The following NUP210 variants were observed in gnomAD, a reference collection of about 807,000 sequenced individuals.
NUP210 encodes the protein nuclear pore membrane glycoprotein 210.
Under a neutral mutation model 196.0 loss-of-function variants are expected in NUP210, and 151 were observed. That is an observed-to-expected ratio of 0.77 (90% CI 0.67 to 0.88). The LOEUF (loss-of-function observed/expected upper bound fraction) is 0.88. Among genes scored for constraint, NUP210 ranks in the 40% least tolerant of loss-of-function variants. NUP210 has a pLI of 0.00. For missense variants in NUP210, 2,314 were observed against 2,493.7 expected, an observed-to-expected ratio of 0.93 and a Z score of 1.53; for synonymous variants, 1,070 against 1,052.7, an observed-to-expected ratio of 1.02 and a Z score of -0.32.
chr3:13,325,657 T>A (rs1439835126), intron 33 of NUP210, 138 bp downstream of exon 33: 4 of 975,200 alleles, frequency 4.1e-6, no homozygotes, highest in Non-Finnish European at 6.2e-6. Context: ...AAGTGGCCAG[T>A]CCCAGACTCA....
chr3:13,334,534 G>C (rs1697131277), intron 28 of NUP210, among the ~76,000 whole-genome samples: 1 of 152,140 alleles, frequency 6.6e-6, no homozygotes, highest in African/African-American at 2.4e-5. Flanking sequence ...TCAGGGAGGT[G>C]CTTGGGTTAG....
In NUP210 at chr3:13,323,308, C is replaced by G. The variant is rs1413598201; in HGVS notation, c.4768+1G>C. ...GACAGCCCAAGCCCCTCATTAAGTA[C>G]CTCTCAGGTTAGAGCTTCTGTCTCC... On this transcript the variant is annotated splice_donor_variant, in intron 34 of 39. Transcript: ENST00000254508. LOFTEE classifies it high-confidence loss of function. This position sits in a 1 kb window ranked among gnomAD's most constrained non-coding sequence, Gnocchi z 4.3. 1.9e-6 allele frequency: 3 copies of G among 1,613,990 alleles called. No individual in the cohort carries two copies. Among genetic ancestry groups the G allele is most frequent in the Non-Finnish European group, 1.7e-6 (2 of 1,179,976 alleles).
Position 13,323,778 on chromosome 3 carries a change from C to T in NUP210, c.4645-346G>A, listed in dbSNP as rs543881349. Reference sequence around the variant, plus strand: ...ACTTCTCTGTAGTACAGCACCACACCCCACCCAGAATCCAGTCTGCCCAGA... The same window carrying T: ...ACTTCTCTGTAGTACAGCACCACACTCCACCCAGAATCCAGTCTGCCCAGA... On this transcript the variant is annotated intron_variant, in intron 33 of 39. Coordinates refer to ENST00000254508, the MANE Select transcript of NUP210 (RefSeq NM_024923.4). This position sits in a 1 kb window ranked among gnomAD's most constrained non-coding sequence, Gnocchi z 4.3. Among the ~76,000 whole-genome samples the T allele has an allele frequency of 3.3e-5, 5 of 152,270 alleles. No homozygotes were observed. The highest frequency in any genetic ancestry group is 3.9e-4 in the East Asian group (2 of 5,180).
chr3:13,410,725 G>T (rs111563495), intron 1 of NUP210, among the ~76,000 whole-genome samples: 1 of 149,424 alleles, frequency 6.7e-6, no homozygotes, highest in East Asian at 2.0e-4. Flanking sequence ...AGACCATCCC[G>T]GCTAACATGG....
chr3:13,366,212 T>G (rs2124901412), intron 13 of NUP210, 121 bp from the exon 14 acceptor site: 1 of 935,904 alleles, frequency 1.1e-6, no homozygotes, highest in Non-Finnish European at 1.6e-6. Flanking sequence ...CACTGCGACC[T>G]CCGCCTCCGG....
chr3:13,413,032 C>T (rs1476539275), intron 1 of NUP210, among the ~76,000 whole-genome samples: 2 of 149,226 alleles, frequency 1.3e-5, no homozygotes, highest in African/African-American at 2.5e-5. Flanking sequence ...TTTGGGAGGC[C>T]GAGGCAGGCA....
At position 13,358,208 on chromosome 3, in the gene NUP210, T is replaced by C. The variant is rs1698249371; in HGVS notation, c.2328+14A>G. 1.3e-6 allele frequency: 2 copies of C among 1,590,994 alleles called. No homozygotes were observed. Among genetic ancestry groups the C allele is most frequent in the East Asian group, 4.5e-5 (2 of 44,222 alleles). ...TGGCACCCTCACCTCCTCCCGAGCATAGCCCACACTCACCACCTGCTTGTT... is the reference window on the plus strand; with the variant it reads ...TGGCACCCTCACCTCCTCCCGAGCACAGCCCACACTCACCACCTGCTTGTT... On this transcript the variant is annotated intron_variant, in intron 16 of 39. Coordinates refer to ENST00000254508, the MANE Select transcript of NUP210 (RefSeq NM_024923.4).
intron 6 of NUP210, among the ~76,000 whole-genome samples, chr3:13,383,754 C>T (rs1307646856): frequency 3.3e-5 from 5 of 151,886 alleles, no homozygotes; most frequent in Non-Finnish European, 5.9e-5. Context: ...GTCTCGATTT[C>T]CTGACCTCAT....
intron 31 of NUP210, 100 bp downstream of exon 31, chr3:13,328,671 C>CT: frequency 8.7e-7 from 1 of 1,155,264 alleles, no homozygotes; most frequent in Non-Finnish European, 1.3e-6. Flanking sequence ...TAATACACAT[C>CT]TTCCTTCAAC....
At chr3:13,402,412 A>T (rs983405873) in intron 1 of NUP210, among the ~76,000 whole-genome samples, 3 of 152,218 alleles carry the variant, frequency 2.0e-5, no homozygotes, top group African/African-American at 7.2e-5. Context: ...AACAAAATAG[A>T]GATAACCACT....
chr3:13,373,139 G>A lies in NUP210; in HGVS notation c.1587+579C>T, dbSNP rs1388231972. On this transcript the variant is annotated intron_variant, in intron 12 of 39. Transcript: ENST00000254508. ...CTGCCCCAAATGAAGGAATAAAGGG[G>A]CTGAGGTCAGAGCACTAGGCAAGTA... 4.6e-5 allele frequency among the ~76,000 whole-genome samples: 7 copies of A among 152,350 alleles called. No individual in the cohort carries two copies. The East Asian group carries it at 9.7e-4, about 21-fold the overall frequency.
chr3:13,364,577 C>A (rs1698468769), intron 14 of NUP210, among the ~76,000 whole-genome samples: 1 of 152,104 alleles, frequency 6.6e-6, no homozygotes, highest in Non-Finnish European at 1.5e-5. Flanking sequence ...GCCTGTAATC[C>A]CAGCACTTTG....
chr3:13,355,620 CA>C, intron 16 of NUP210, among the ~76,000 whole-genome samples: 1 of 152,376 alleles, frequency 6.6e-6, no homozygotes, highest in East Asian at 1.9e-4. Flanking sequence ...GGGCTCCTCC[CA>C]ACTCCTTCTA....
Position 13,323,319 on chromosome 3 carries a change from A to G in NUP210, c.4758T>C (p.Ser1586=). The change falls in exon 34 of 40, where the codon TCT becomes TCC. Residue 1586 remains serine (S), a synonymous_variant. Coordinates refer to ENST00000254508, the MANE Select transcript of NUP210 (RefSeq NM_024923.4). The surrounding 1 kb of genome is among the most constrained non-coding windows in gnomAD (Gnocchi z 4.3). ...CCCCTCATTAAGTACCTCTCAGGTT[A>G]GAGCTTCTGTCTCCCACGGCAACAA... The part of the protein sequence containing the change: ...KVIVAVGDRS[S]NLRGECTPTQ... 1.9e-6 allele frequency: 3 copies of G among 1,614,156 alleles called. No homozygotes were observed. The highest frequency in any genetic ancestry group is 2.5e-6 in the Non-Finnish European group (3 of 1,179,994).
intron 37 of NUP210, 78 bp from the exon 38 acceptor site, chr3:13,319,403 C>A: frequency 1.6e-6 from 2 of 1,217,134 alleles, no homozygotes; most frequent in Non-Finnish European, 2.4e-6. Context: ...CCCTACTGTA[C>A]GTCTACAGGG....
At chr3:13,404,427 C>T (rs1699935657) in intron 1 of NUP210, among the ~76,000 whole-genome samples, 2 of 152,182 alleles carry the variant, frequency 1.3e-5, no homozygotes, top group South Asian at 4.1e-4. Context: ...TAGGTTGTTA[C>T]ACAATGGCTA....
At chr3:13,360,206 C>T in intron 15 of NUP210, 64 bp downstream of exon 15, 1 of 1,362,294 alleles carries the variant, frequency 7.3e-7, no homozygotes, top group South Asian at 1.2e-5. Flanking sequence ...TAAAACAATA[C>T]TGAGAGAGTC....
At chr3:13,349,562 C>T (rs919573389) in intron 20 of NUP210, among the ~76,000 whole-genome samples, 1 of 152,174 alleles carries the variant, frequency 6.6e-6, no homozygotes, top group Non-Finnish European at 1.5e-5. Context: ...CCCCACTCAC[C>T]AAGGACCCAG....
chr3:13,418,780 G>A (rs577586664), intron 1 of NUP210, among the ~76,000 whole-genome samples: 6 of 151,420 alleles, frequency 4.0e-5, no homozygotes, highest in African/African-American at 1.5e-4. Context: ...AAGGGCTGGA[G>A]TGCACTCTAA....
Sources: allele counts gnomAD v4.1 joint callset (sites outside exome capture counted in the v4.1 genomes callset), GRCh38; gene constraint gnomAD v4.1.1; non-coding constraint Gnocchi (gnomAD v3.1); transcripts MANE v1.5; gene names NCBI Gene and HGNC (gene_info 2026-07-23, HGNC 2026-07-21).